Variants in USP10 observed in about 807,000 individuals in gnomAD.
The protein encoded by USP10 is ubiquitin specific peptidase 10.
A neutral mutation model predicts 84.5 loss-of-function variants in USP10; 22 were observed. That is an observed-to-expected ratio of 0.26 (90% CI 0.19 to 0.37). USP10 has a LOEUF of 0.37. Among genes scored for constraint, USP10 ranks in the 10% least tolerant of loss-of-function variants. The pLI is 1.00. For missense variants in USP10, 1,019 were observed against 998.9 expected (o/e 1.02, Z -0.27); for synonymous variants, 454 against 387.6 (o/e 1.17, Z -2.01).
intron 8 of USP10, among the ~76,000 whole-genome samples, chr16:84,761,497 G>T (rs1913198022): frequency 6.6e-6 from 1 of 152,182 alleles, no homozygotes; most frequent in South Asian, 2.1e-4. Context: ...AGGTGAGGCA[G>T]GGCCTAAAGG....
At chr16:84,729,507 A>G (rs1177551752) in intron 1 of USP10, among the ~76,000 whole-genome samples, 1 of 152,212 alleles carries the variant, frequency 6.6e-6, no homozygotes, top group South Asian at 2.1e-4. Flanking sequence ...AAAAAGATAC[A>G]TGTAGTTTAT....
rs576191853 is a variant in USP10, at chr16:84,723,598, C to T, written c.22-9837C>T. On this transcript the variant is annotated intron_variant, in intron 1 of 13. Transcript: ENST00000219473. Reference sequence around the variant, plus strand: ...TTATTTGTGTGGGTTTTTTCATCTTCCTCTTCCTGAATTCATTTGTTCAAC... The same window carrying T: ...TTATTTGTGTGGGTTTTTTCATCTTTCTCTTCCTGAATTCATTTGTTCAAC... Among the ~76,000 whole-genome samples the T allele has an allele frequency of 2.0e-5, 3 of 152,248 alleles. No homozygotes were observed. The South Asian group carries it at 6.2e-4, about 32-fold the overall frequency.
intron 7 of USP10, 59 bp downstream of exon 7, chr16:84,760,005 A>C: frequency 6.3e-7 from 1 of 1,595,678 alleles, no homozygotes; most frequent in South Asian, 1.1e-5. Context: ...GAGACAGATG[A>C]CTTAAATTTG....
intron 2 of USP10, among the ~76,000 whole-genome samples, chr16:84,736,614 A>G (rs1462782778): frequency 6.6e-6 from 1 of 152,226 alleles, no homozygotes; most frequent in Non-Finnish European, 1.5e-5. Context: ...AGAAAGAAAG[A>G]GAAAATGCTC....
intron 8 of USP10, among the ~76,000 whole-genome samples, chr16:84,761,321 G>C (rs2150851874): frequency 6.6e-6 from 1 of 152,312 alleles, no homozygotes; most frequent in East Asian, 1.9e-4. Context: ...ATGAACAAAA[G>C]CATCTTCTAA....
At chr16:84,742,724 G>A (rs982901894) in intron 3 of USP10, among the ~76,000 whole-genome samples, 3 of 152,316 alleles carry the variant, frequency 2.0e-5, no homozygotes, top group Middle Eastern at 3.4e-3. Context: ...GGCACATGGC[G>A]TCCATTGTGA....
At chr16:84,704,609 G>A in intron 1 of USP10, 2 of 1,175,028 alleles carry the variant, frequency 1.7e-6, no homozygotes, top group Non-Finnish European at 2.3e-6. Context: ...GGAAAATAAA[G>A]GTAGCCCTTG....
At chr16:84,737,401 C>T (rs1458048000) in intron 2 of USP10, among the ~76,000 whole-genome samples, 1 of 152,184 alleles carries the variant, frequency 6.6e-6, no homozygotes, top group Non-Finnish European at 1.5e-5. Context: ...AACTTCGAAC[C>T]ATCCTGGCAC....
intron 10 of USP10, among the ~76,000 whole-genome samples, chr16:84,766,450 C>T (rs759860913): frequency 1.3e-5 from 2 of 152,250 alleles, no homozygotes; most frequent in Non-Finnish European, 2.9e-5. Context: ...TCCAGGTTGG[C>T]GCGCAGCAGC....
rs192539536 is a variant in USP10, at chr16:84,751,253, C to T, written c.1192+5580C>T. Among the ~76,000 whole-genome samples the T allele has an allele frequency of 2.0e-4, 31 of 152,296 alleles. No homozygotes were observed. The East Asian group carries it at 5.8e-3, about 28-fold the overall frequency. ...TGGCTATACCATCTAGGCATGTGAT[C>T]CCACAATGACAAAATTGCCTAATGC... On this transcript the variant is annotated intron_variant, in intron 4 of 13. Coordinates refer to ENST00000219473, the MANE Select transcript of USP10 (RefSeq NM_005153.3).
chr16:84,756,152 G>C (rs1012400442), intron 4 of USP10, among the ~76,000 whole-genome samples: 4 of 148,090 alleles, frequency 2.7e-5, no homozygotes, highest in African/African-American at 1.0e-4. Flanking sequence ...TTTGGAGCCA[G>C]GGACATCACA....
At chr16:84,727,053 A>G (rs1412234635) in intron 1 of USP10, among the ~76,000 whole-genome samples, 1 of 152,236 alleles carries the variant, frequency 6.6e-6, no homozygotes, top group African/African-American at 2.4e-5. Context: ...GTGGTGTGGC[A>G]TGGCTGACAG....
chr16:84,757,401 G>GT (rs1555546459), intron 4 of USP10, among the ~76,000 whole-genome samples: 4,459 of 25,754 alleles, frequency 0.17, 125 homozygotes, highest in South Asian at 0.32. Flanking sequence ...AGAGGGGTGG[G>GT]GGTGTGTGTG....
chr16:84,708,585 C>A lies in USP10; in HGVS notation c.21+8474C>A, dbSNP rs1905856981. Among the ~76,000 whole-genome samples, 3 of 152,216 alleles carry A rather than the reference C, an allele frequency of 2.0e-5. No individual in the cohort carries two copies. In the South Asian group the frequency reaches 6.2e-4, roughly 32 times the overall value. Reference sequence around the variant, plus strand: ...ACCTGCCCTAGGGAATAATGAGAAACTGGGTAATTCACCTGAATTTTTCTC... The same window carrying A: ...ACCTGCCCTAGGGAATAATGAGAAAATGGGTAATTCACCTGAATTTTTCTC... On this transcript the variant is annotated intron_variant, in intron 1 of 13. Coordinates refer to ENST00000219473, the MANE Select transcript of USP10 (RefSeq NM_005153.3).
chr16:84,769,673 T>C (rs981269873), intron 11 of USP10, among the ~76,000 whole-genome samples: 2 of 152,174 alleles, frequency 1.3e-5, no homozygotes, highest in Non-Finnish European at 2.9e-5. Context: ...ACTCTGCTTA[T>C]GCTGTTTCTT....
intron 11 of USP10, among the ~76,000 whole-genome samples, chr16:84,772,115 G>A (rs910712964): frequency 2.0e-5 from 3 of 151,948 alleles, no homozygotes; most frequent in Non-Finnish European, 4.4e-5. Flanking sequence ...ACAGTGGCGC[G>A]AACTTAGCTC....
chr16:84,737,149 C>T (rs763327058), intron 2 of USP10, among the ~76,000 whole-genome samples: 2 of 152,134 alleles, frequency 1.3e-5, no homozygotes, highest in Admixed American at 6.5e-5. Context: ...GTCTTTGAGA[C>T]GGAAAGCAGA....
At chr16:84,735,912 A>G (rs1909869322) in intron 2 of USP10, among the ~76,000 whole-genome samples, 1 of 152,196 alleles carries the variant, frequency 6.6e-6, no homozygotes, top group African/African-American at 2.4e-5. Context: ...TCTGAATTAT[A>G]ATAGCACATG....
chr16:84,777,145 CG>C (rs1309341375), intron 13 of USP10, among the ~76,000 whole-genome samples: 1 of 152,218 alleles, frequency 6.6e-6, no homozygotes, highest in Non-Finnish European at 1.5e-5. Flanking sequence ...GAAGCAATCT[CG>C]CGCACAAGCT....
Sources: gnomAD v4.1 joint callset for allele counts (sites outside exome capture counted in the v4.1 genomes callset) on GRCh38, gnomAD v4.1.1 for gene constraint, MANE v1.5 for transcripts, NCBI Gene and HGNC (gene_info 2026-07-23, HGNC 2026-07-21) for gene names.